The following PIK3R5 variants were observed in gnomAD, a reference collection of about 807,000 sequenced individuals.
PIK3R5 encodes the protein phosphoinositide-3-kinase regulatory subunit 5.
PIK3R5 carries 32 observed loss-of-function variants against 94.9 expected under a neutral mutation model. The ratio of observed to expected loss-of-function variants is 0.34; its 90% confidence interval spans 0.25 to 0.45. The LOEUF (loss-of-function observed/expected upper bound fraction) is 0.45. PIK3R5 is among the 20% of genes least tolerant of loss of function. PIK3R5 has a pLI of 1.00. For missense variants in PIK3R5, 853 were observed against 1,144.6 expected, an observed-to-expected ratio of 0.75 and a Z score of 3.68; for synonymous variants, 443 against 479.4, an observed-to-expected ratio of 0.92 and a Z score of 0.99.
chr17:8,893,522 G>A lies in PIK3R5; in HGVS notation c.482+64C>T, dbSNP rs1173138238. On this transcript the variant is annotated intron_variant, in intron 6 of 18. Transcript: ENST00000447110. The surrounding 1 kb of genome is among the most constrained non-coding windows in gnomAD (Gnocchi z 5.1). ...GTTTGAGTGGGGGAGGAGGGTGAAG[G>A]TGGAACAGTGCAGGGGTCCCAAACT... The A allele has an allele frequency of 3.1e-6, 4 of 1,292,128 alleles. No individual in the cohort carries two copies. The South Asian group carries it at 3.6e-5, about 11-fold the overall frequency. 80.0% of individuals were successfully genotyped at this position (1,292,128 alleles called of 1,614,324 possible).
intron 1 of PIK3R5, among the ~76,000 whole-genome samples, chr17:8,948,009 C>A (rs527642057): frequency 1.5e-5 from 2 of 131,200 alleles, no homozygotes; most frequent in South Asian, 2.5e-4. Context: ...AGCCACTGCA[C>A]TCCAGCCTGG....
At chr17:8,880,825 C>T (rs2089636053) in intron 18 of PIK3R5, 39 bp from the exon 19 acceptor site, 2 of 1,612,972 alleles carry the variant, frequency 1.2e-6, no homozygotes, top group Non-Finnish European at 1.7e-6. Context: ...AGAGCAGGCC[C>T]CCATCCTTCC....
chr17:8,957,931 A>T (rs1391537033), intron 1 of PIK3R5, among the ~76,000 whole-genome samples: 3 of 152,248 alleles, frequency 2.0e-5, no homozygotes, highest in African/African-American at 7.2e-5. Flanking sequence ...ACGTGCTTCC[A>T]AAATCATTTG....
chr17:8,964,604 G>A (rs1278179611), intron 1 of PIK3R5, among the ~76,000 whole-genome samples: 1 of 152,108 alleles, frequency 6.6e-6, no homozygotes, highest in African/African-American at 2.4e-5. Context: ...TCAAAGTTTT[G>A]AAAACTACAG....
At chr17:8,958,496 G>A (rs192515869) in intron 1 of PIK3R5, among the ~76,000 whole-genome samples, 5 of 149,222 alleles carry the variant, frequency 3.4e-5, no homozygotes, top group Admixed American at 2.6e-4. Flanking sequence ...TTGGACAAAT[G>A]TAACATCCAT....
Position 8,893,563 on chromosome 17 carries a change from C to A in PIK3R5, c.482+23G>T, listed in dbSNP as rs777893891. 6.2e-7 allele frequency: 1 copy of A among 1,604,060 alleles called. No individual in the cohort carries two copies. Among genetic ancestry groups the A allele is most frequent in the Admixed American group, 1.7e-5 (1 of 59,994 alleles). ...GTCCCAAACTCCCTCCCCACTGTTTCTCCGTCCCCCAAGAGCACTCACACG... is the reference window on the plus strand; with the variant it reads ...GTCCCAAACTCCCTCCCCACTGTTTATCCGTCCCCCAAGAGCACTCACACG... On this transcript the variant is annotated intron_variant, in intron 6 of 18. Transcript: ENST00000447110. This position sits in a 1 kb window ranked among gnomAD's most constrained non-coding sequence, Gnocchi z 5.1.
chr17:8,886,425 C>G, intron 13 of PIK3R5, 52 bp downstream of exon 13: 1 of 1,600,156 alleles, frequency 6.2e-7, no homozygotes, highest in South Asian at 1.1e-5. Context: ...GGGGTGGGGC[C>G]TTGCAGGCCC....
At chr17:8,956,592 G>A (rs1040112052) in intron 1 of PIK3R5, among the ~76,000 whole-genome samples, 1 of 152,192 alleles carries the variant, frequency 6.6e-6, no homozygotes, top group East Asian at 1.9e-4. Context: ...CCTGTAGCCC[G>A]TACATCACAT....
intron 1 of PIK3R5, among the ~76,000 whole-genome samples, chr17:8,923,544 G>A (rs976612360): frequency 1.3e-5 from 2 of 152,170 alleles, no homozygotes; most frequent in African/African-American, 4.8e-5. Flanking sequence ...CAGCTATACT[G>A]GAGCCAGGGG....
At chr17:8,942,969 C>CACACACAG (rs1446762580) in intron 1 of PIK3R5, among the ~76,000 whole-genome samples, 1 of 151,668 alleles carries the variant, frequency 6.6e-6, no homozygotes, top group Non-Finnish European at 1.5e-5. Flanking sequence ...GTCATACACA[C>CACACACAG]ACACACACAC....
Position 8,884,028 on chromosome 17 carries a change from G to C in PIK3R5, c.2205+679C>G, listed in dbSNP as rs907998089. Among the ~76,000 whole-genome samples the C allele has an allele frequency of 3.9e-5, 6 of 152,108 alleles. No homozygotes were observed. The highest frequency in any genetic ancestry group is 7.4e-5 in the Non-Finnish European group (5 of 68,016). On this transcript the variant is annotated intron_variant, in intron 15 of 18. Coordinates refer to ENST00000447110, the MANE Select transcript of PIK3R5 (RefSeq NM_001142633.3). This position sits in a 1 kb window ranked among gnomAD's most constrained non-coding sequence, Gnocchi z 5.8. Reference sequence around the variant, plus strand: ...ACTTGCCGCTCTCTGGAATTATCTTGGCTATTTCTTTGTTTCCTCGTTTCT... The same window carrying C: ...ACTTGCCGCTCTCTGGAATTATCTTCGCTATTTCTTTGTTTCCTCGTTTCT...
chr17:8,952,875 G>A (rs1006701104), intron 1 of PIK3R5, among the ~76,000 whole-genome samples: 4 of 152,148 alleles, frequency 2.6e-5, no homozygotes, highest in African/African-American at 7.2e-5. Flanking sequence ...TGAGGCCACT[G>A]AGCTCTGGAC....
At chr17:8,940,352 G>C (rs1215453507) in intron 1 of PIK3R5, among the ~76,000 whole-genome samples, 1 of 152,066 alleles carries the variant, frequency 6.6e-6, no homozygotes, top group Non-Finnish European at 1.5e-5. Context: ...ATGAAGTTCA[G>C]AGCTGCTGCA....
chr17:8,952,005 C>T (rs922533881), intron 1 of PIK3R5, among the ~76,000 whole-genome samples: 1 of 152,240 alleles, frequency 6.6e-6, no homozygotes, highest in South Asian at 2.1e-4. Context: ...CTTCCCTTCC[C>T]CCTTTCCCCT....
chr17:8,936,318 C>CATAGA (rs2091075853), intron 1 of PIK3R5, among the ~76,000 whole-genome samples: 1 of 152,146 alleles, frequency 6.6e-6, no homozygotes, highest in African/African-American at 2.4e-5. Flanking sequence ...TTGTGTTGTA[C>CATAGA]AATTCTATGA....
intron 1 of PIK3R5, among the ~76,000 whole-genome samples, chr17:8,920,276 G>C (rs1318703296): frequency 6.6e-6 from 1 of 152,174 alleles, no homozygotes; most frequent in Admixed American, 6.5e-5. Context: ...GCATGATTCT[G>C]ACGCACAGTT....
intron 2 of PIK3R5, among the ~76,000 whole-genome samples, chr17:8,910,553 G>A (rs2151413531): frequency 6.6e-6 from 1 of 152,324 alleles, no homozygotes; most frequent in Admixed American, 6.5e-5. Flanking sequence ...AAGGCAAGTA[G>A]AGCCAGGGTC....
Position 8,914,700 on chromosome 17 carries a change from C to T in PIK3R5, c.-13-3193G>A, listed in dbSNP as rs549556559. 3.3e-5 allele frequency among the ~76,000 whole-genome samples: 5 copies of T among 152,314 alleles called. 1 individual carries two copies. The South Asian group carries it at 1.0e-3, about 32-fold the overall frequency. On this transcript the variant is annotated intron_variant, in intron 1 of 18. Transcript: ENST00000447110. ...AGCCGGCAAACTCGCTCGCCTGCTC[C>T]GGTGCTGCCTGTGAGCCATGGCAGG...
At chr17:8,914,046 A>G (rs1274041037) in intron 1 of PIK3R5, among the ~76,000 whole-genome samples, 1 of 152,158 alleles carries the variant, frequency 6.6e-6, no homozygotes, top group Non-Finnish European at 1.5e-5. Context: ...GTCCTATTCC[A>G]GCTCAGGGCT....
Sources: gnomAD v4.1 joint callset for allele counts (sites outside exome capture counted in the v4.1 genomes callset) on GRCh38, gnomAD v4.1.1 for gene constraint, Gnocchi (gnomAD v3.1) non-coding constraint, MANE v1.5 for transcripts, NCBI Gene and HGNC (gene_info 2026-07-23, HGNC 2026-07-21) for gene names.